MYO10: variants seen among roughly 807,000 people sequenced by gnomAD.
MYO10 encodes unconventional myosin-X.
Under a neutral mutation model 257.3 loss-of-function variants are expected in MYO10, and 133 were observed. That is an observed-to-expected ratio of 0.52 (90% CI 0.45 to 0.60). The LOEUF (loss-of-function observed/expected upper bound fraction) is 0.60, where lower values mean the gene tolerates loss of function less well. Ranked by LOEUF, MYO10 falls within the 20% of genes least tolerant of loss-of-function variation. The probability of loss-of-function intolerance (pLI) is 0.00; values close to 1 mark genes in which losing one functional copy is unlikely to be tolerated. For missense variants in MYO10, 2,399 were observed against 2,635.7 expected (o/e 0.91, Z 1.97); for synonymous variants, 1,104 against 1,028.6 (o/e 1.07, Z -1.40).
chr5:16,680,126 G>GC (rs1736921803), intron 32 of MYO10, 22 bp from the exon 33 acceptor site: 2 of 1,598,854 alleles, frequency 1.3e-6, no homozygotes. Context: ...GGGGTGCCCA[G>GC]CACACGCACG....
At chr5:16,698,049 A>G (rs1232965470) in intron 26 of MYO10, among the ~76,000 whole-genome samples, 3 of 152,254 alleles carry the variant, frequency 2.0e-5, no homozygotes, top group Non-Finnish European at 4.4e-5. Context: ...GGAACAAAGC[A>G]TAAATATGAG....
intron 3 of MYO10, among the ~76,000 whole-genome samples, chr5:16,803,929 T>C (rs549956255): frequency 1.3e-5 from 2 of 152,286 alleles, no homozygotes; most frequent in South Asian, 4.1e-4. Flanking sequence ...ACCCACTCAT[T>C]TGCTCTTCCA....
intron 1 of MYO10, among the ~76,000 whole-genome samples, chr5:16,884,350 G>A (rs1424248147): frequency 1.3e-5 from 2 of 152,050 alleles, no homozygotes; most frequent in African/African-American, 4.8e-5. Flanking sequence ...AGCCATGATT[G>A]CACCACCTCA....
intron 2 of MYO10, among the ~76,000 whole-genome samples, chr5:16,825,954 C>A (rs1389655503): frequency 2.6e-5 from 4 of 152,084 alleles, no homozygotes; most frequent in Non-Finnish European, 4.4e-5. Flanking sequence ...TCGAGACCAG[C>A]CTGGTCAACA....
At chr5:16,708,602 C>A (rs1025435963) in intron 21 of MYO10, among the ~76,000 whole-genome samples, 3 of 152,164 alleles carry the variant, frequency 2.0e-5, no homozygotes, top group African/African-American at 7.2e-5. Context: ...CACTCTGTCG[C>A]CCAGGTTGGA....
At position 16,777,839 on chromosome 5, in the gene MYO10, C is replaced by CCTTTTTTTTTTT. The variant is rs1560979466; in HGVS notation, c.930+1705_930+1706insAAAAAAAAAAAG. ...GCCACCCTAGGTGCATTGCATCTAA[C>CCTTTTTTTTTTT]TTTTTTTTTTTTTTTTTTTTTTTTT... On this transcript the variant is annotated intron_variant, in intron 9 of 40. Transcript: ENST00000513610. Among the ~76,000 whole-genome samples, 37 of 88,478 alleles carry CCTTTTTTTTTTT rather than the reference C, an allele frequency of 4.2e-4. 6 individuals are homozygous for CCTTTTTTTTTTT. The highest frequency in any genetic ancestry group is 0.013 in the Middle Eastern group (2 of 150). The allele number at this position is 88,478 out of a possible 152,430, so 58.0% of individuals were successfully genotyped here.
Position 16,701,919 on chromosome 5 carries a change from A to C in MYO10, c.2557-81T>G. On this transcript the variant is annotated intron_variant, in intron 24 of 40. Coordinates refer to ENST00000513610, the MANE Select transcript of MYO10 (RefSeq NM_012334.3). This position sits in a 1 kb window ranked among gnomAD's most constrained non-coding sequence, Gnocchi z 8.1. ...AGCTCCCGCTTTGCAACCAGGATGA[A>C]ATATGGTCATTATGAGTTGGACTGT... 1 of 1,469,354 alleles carries C rather than the reference A, an allele frequency of 6.8e-7. No individual in the cohort carries two copies. Among genetic ancestry groups the C allele is most frequent in the Non-Finnish European group, 9.1e-7 (1 of 1,100,830 alleles). The allele number at this position is 1,469,354 out of a possible 1,614,324, so 91.0% of individuals were successfully genotyped here. A position where few individuals can be genotyped will look rare whatever the true frequency, so the allele number is the denominator to read the frequency against.
intron 2 of MYO10, among the ~76,000 whole-genome samples, chr5:16,839,271 G>A (rs1229421708): frequency 1.3e-5 from 2 of 152,136 alleles, no homozygotes; most frequent in Admixed American, 1.3e-4. Context: ...CATGAAAGGA[G>A]GTCAAAATAT....
At chr5:16,826,227 A>G (rs1296321078) in intron 2 of MYO10, among the ~76,000 whole-genome samples, 1 of 152,076 alleles carries the variant, frequency 6.6e-6, no homozygotes, top group East Asian at 1.9e-4. Flanking sequence ...CCTTAGAATC[A>G]TTTCTAGCTG....
intron 1 of MYO10, among the ~76,000 whole-genome samples, chr5:16,905,460 A>G (rs1229931283): frequency 6.6e-6 from 1 of 152,098 alleles, no homozygotes; most frequent in African/African-American, 2.4e-5. Flanking sequence ...ATATTCTCCC[A>G]ACCCTAAGGC....
In MYO10 at chr5:16,684,744, G is replaced by A. The variant is rs867787274; in HGVS notation, c.3991-809C>T. On this transcript the variant is annotated intron_variant, in intron 29 of 40. Transcript: ENST00000513610. ...AACTTTGTGTCTGGGATAGAGGGAA[G>A]ACAAAGAATACAATTTGGATTTCGG... Among the ~76,000 whole-genome samples, 3 of 152,080 alleles carry A rather than the reference G, an allele frequency of 2.0e-5. No individual in the cohort carries two copies. In the South Asian group the frequency reaches 6.2e-4, roughly 32 times the overall value.
chr5:16,869,080 A>G (rs1453310237), intron 2 of MYO10, among the ~76,000 whole-genome samples: 2 of 152,022 alleles, frequency 1.3e-5, no homozygotes, highest in Non-Finnish European at 2.9e-5. Flanking sequence ...CGTGGAGTGC[A>G]GTGGCGCCAT....
At chr5:16,870,209 C>A (rs1239626524) in intron 2 of MYO10, among the ~76,000 whole-genome samples, 2 of 98,046 alleles carry the variant, frequency 2.0e-5, no homozygotes, top group Non-Finnish European at 4.1e-5. Context: ...GGAAAAGCTT[C>A]GAAGTGCAAG....
chr5:16,858,151 T>C (rs773769022), intron 2 of MYO10, among the ~76,000 whole-genome samples: 3 of 152,188 alleles, frequency 2.0e-5, no homozygotes, highest in Non-Finnish European at 2.9e-5. Context: ...GGCCGATGAA[T>C]GGGCATGGCT....
intron 19 of MYO10, among the ~76,000 whole-genome samples, chr5:16,739,105 GCAGCCAGGAGTTTGAGA>G (rs1406125818): frequency 1.3e-5 from 2 of 150,392 alleles, no homozygotes; most frequent in African/African-American, 4.9e-5. Context: ...AGGATCTCTT[GCAGCCAGGAGTTTGAGA>G]CTGTAGTGTG....
chr5:16,895,601 C>A (rs2126778980), intron 1 of MYO10, among the ~76,000 whole-genome samples: 1 of 152,194 alleles, frequency 6.6e-6, no homozygotes, highest in East Asian at 1.9e-4. Flanking sequence ...CTCAACCCAA[C>A]AAGAGCTCCT....
intron 1 of MYO10, among the ~76,000 whole-genome samples, chr5:16,923,818 G>A (rs1022636358): frequency 5.9e-5 from 9 of 151,986 alleles, no homozygotes; most frequent in South Asian, 2.1e-4. Flanking sequence ...GGCCAAGTGC[G>A]ATGGCTTGCA....
chr5:16,909,725 T>C (rs1457030048), intron 1 of MYO10, among the ~76,000 whole-genome samples: 1 of 152,108 alleles, frequency 6.6e-6, no homozygotes, highest in Non-Finnish European at 1.5e-5. Flanking sequence ...CCAAGTCGCA[T>C]GTTGACATCT....
chr5:16,909,623 A>G (rs1271550848), intron 1 of MYO10, among the ~76,000 whole-genome samples: 2 of 152,028 alleles, frequency 1.3e-5, no homozygotes, highest in Admixed American at 1.3e-4. Context: ...GGTCCCTCCA[A>G]CGACACATGG....
Sources: gnomAD v4.1 joint callset for allele counts (sites outside exome capture counted in the v4.1 genomes callset) on GRCh38, gnomAD v4.1.1 for gene constraint, Gnocchi (gnomAD v3.1) non-coding constraint, MANE v1.5 for transcripts, NCBI Gene and HGNC (gene_info 2026-07-23, HGNC 2026-07-21) for gene names.